RBFOX3: variants seen among roughly 807,000 people sequenced by gnomAD.
The protein encoded by RBFOX3 is RNA binding fox-1 homolog 3, also known as RNA binding protein fox-1 homolog 3.
In RBFOX3, 17 loss-of-function variants were observed where a neutral mutation model predicts 48.7. The observed-to-expected ratio is 0.35, with a 90% CI of 0.24 to 0.52. RBFOX3 has a LOEUF of 0.52. RBFOX3 is among the 20% of genes least tolerant of loss of function. The pLI, the probability that RBFOX3 is intolerant of heterozygous loss-of-function variation, is 0.94. For missense variants in RBFOX3, 382 were observed against 497.5 expected (o/e 0.77, Z 2.21); for synonymous variants, 212 against 209.5 (o/e 1.01, Z -0.10).
rs147182892 is a variant in RBFOX3 at position 79,149,558 on chromosome 17, G to T, written c.-33-33810C>A. 2.6e-3 allele frequency among the ~76,000 whole-genome samples: 395 copies of T among 152,152 alleles called. 4 individuals carry two copies. The highest frequency in any genetic ancestry group is 9.1e-3 in the African/African-American group (377 of 41,480). On this transcript the variant is annotated intron_variant, in intron 4 of 14. Transcript: ENST00000693108. ...TGTGAAGTGGGTGGGGCAGTGGGAAGTGTGCCTGGGGGGGTCCGTGGACGA... is the reference window on the plus strand; with the variant it reads ...TGTGAAGTGGGTGGGGCAGTGGGAATTGTGCCTGGGGGGGTCCGTGGACGA...
At chr17:79,474,465 C>A (rs1475977008) in intron 2 of RBFOX3, among the ~76,000 whole-genome samples, 1 of 152,184 alleles carries the variant, frequency 6.6e-6, no homozygotes, top group Non-Finnish European at 1.5e-5. Context: ...TGGTGACAAT[C>A]ATTTATTGGC....
intron 4 of RBFOX3, among the ~76,000 whole-genome samples, chr17:79,124,821 G>A (rs1032952977): frequency 1.3e-5 from 2 of 152,202 alleles, no homozygotes; most frequent in Non-Finnish European, 2.9e-5. Flanking sequence ...TGGGGGGTGG[G>A]AGAGGAGTGT....
At chr17:79,209,674 G>A (rs1229122218) in intron 4 of RBFOX3, among the ~76,000 whole-genome samples, 2 of 152,170 alleles carry the variant, frequency 1.3e-5, no homozygotes, top group African/African-American at 4.8e-5. Flanking sequence ...GCAAGAGGTG[G>A]GGTGCATGGC....
chr17:79,475,007 G>A (rs573657037), intron 2 of RBFOX3, among the ~76,000 whole-genome samples: 47 of 152,272 alleles, frequency 3.1e-4, no homozygotes, highest in African/African-American at 1.0e-3. Flanking sequence ...CCCACAGGCA[G>A]AGCAAGACTC....
At chr17:79,261,304 T>C (rs2065732009) in intron 3 of RBFOX3, among the ~76,000 whole-genome samples, 1 of 152,212 alleles carries the variant, frequency 6.6e-6, no homozygotes, top group African/African-American at 2.4e-5. Flanking sequence ...AAACAATAAA[T>C]ATGTGTGAGT....
intron 2 of RBFOX3, among the ~76,000 whole-genome samples, chr17:79,345,998 G>T (rs1291612020): frequency 6.6e-6 from 1 of 152,062 alleles, no homozygotes; most frequent in Non-Finnish European, 1.5e-5. Flanking sequence ...TTGGCTCACT[G>T]CAATCTGCAC....
the RBFOX3 span, among the ~76,000 whole-genome samples, chr17:79,651,008 C>T: frequency 5.9e-5 from 9 of 152,230 alleles, no homozygotes; most frequent in Non-Finnish European, 4.4e-5. Flanking sequence ...ACCCCAGCTC[C>T]GCCAGCGCCA....
At chr17:79,463,478 ACTGCCATCGCCACTGCCACTG>A (rs2075795422) in intron 2 of RBFOX3, among the ~76,000 whole-genome samples, 1 of 75,948 alleles carries the variant, frequency 1.3e-5, no homozygotes, top group Non-Finnish European at 3.0e-5. Context: ...TGCCACCTCC[ACTGCCATCGCCACTGCCACTG>A]CCATCGCCAC....
intron 4 of RBFOX3, among the ~76,000 whole-genome samples, chr17:79,117,080 G>C (rs1021336267): frequency 4.7e-4 from 72 of 152,262 alleles, no homozygotes; most frequent in African/African-American, 1.7e-3. Flanking sequence ...AGGCGGCAGA[G>C]GGAAAGGGGC....
intron 3 of RBFOX3, among the ~76,000 whole-genome samples, chr17:79,276,096 T>C (rs1003667881): frequency 2.0e-5 from 3 of 151,898 alleles, no homozygotes; most frequent in African/African-American, 4.8e-5. Flanking sequence ...CTGAAGACGG[T>C]ACGCTCAGAG....
chr17:79,275,618 G>A (rs546520047), intron 3 of RBFOX3, among the ~76,000 whole-genome samples: 1 of 152,150 alleles, frequency 6.6e-6, no homozygotes, highest in African/African-American at 2.4e-5. Context: ...GTATCAGGCA[G>A]GGTTGCCAGC....
chr17:79,647,821 A>C, the RBFOX3 span, among the ~76,000 whole-genome samples: 2 of 151,694 alleles, frequency 1.3e-5, no homozygotes, highest in Non-Finnish European at 2.9e-5. Context: ...CCCACCCCCA[A>C]CTCACACCTG....
intron 4 of RBFOX3, among the ~76,000 whole-genome samples, chr17:79,145,133 A>G (rs1397580289): frequency 2.6e-5 from 4 of 152,136 alleles, no homozygotes; most frequent in East Asian, 3.9e-4. Flanking sequence ...ACTGCCCAGA[A>G]AAACAGCTCA....
At chr17:79,297,563 G>T (rs1183754083) in intron 3 of RBFOX3, among the ~76,000 whole-genome samples, 1 of 152,270 alleles carries the variant, frequency 6.6e-6, no homozygotes, top group Non-Finnish European at 1.5e-5. Flanking sequence ...CAAAGCTGAT[G>T]TAGGACAGAC....
chr17:79,492,458 C>T (rs1305098448), intron 1 of RBFOX3, among the ~76,000 whole-genome samples: 2 of 152,264 alleles, frequency 1.3e-5, no homozygotes, highest in Non-Finnish European at 2.9e-5. Context: ...TGAGGACACT[C>T]AGGCAGCCCT....
At chr17:79,393,699 T>C (rs948760662) in intron 2 of RBFOX3, among the ~76,000 whole-genome samples, 1 of 148,702 alleles carries the variant, frequency 6.7e-6, no homozygotes, top group Non-Finnish European at 1.5e-5. Context: ...GAGCCGGTCA[T>C]CACGCACATC....
chr17:79,175,286 A>G (rs2050287250), intron 4 of RBFOX3, among the ~76,000 whole-genome samples: 1 of 152,208 alleles, frequency 6.6e-6, no homozygotes, highest in Non-Finnish European at 1.5e-5. Context: ...TCACATAAGG[A>G]AACTGAGGCT....
At chr17:79,626,774 C>T in the RBFOX3 span, among the ~76,000 whole-genome samples, 1 of 152,202 alleles carries the variant, frequency 6.6e-6, no homozygotes, top group African/African-American at 2.4e-5. Context: ...GCATGTGGGC[C>T]GACACCCTTA....
intron 4 of RBFOX3, among the ~76,000 whole-genome samples, chr17:79,216,421 T>G (rs2059055771): frequency 6.9e-6 from 1 of 144,678 alleles, no homozygotes; most frequent in Non-Finnish European, 1.5e-5. Flanking sequence ...GGGCCTGGAG[T>G]GGAGATGGAC....
Sources: gnomAD v4.1 joint callset for allele counts (sites outside exome capture counted in the v4.1 genomes callset) on GRCh38, gnomAD v4.1.1 for gene constraint, MANE v1.5 for transcripts, NCBI Gene and HGNC (gene_info 2026-07-23, HGNC 2026-07-21) for gene names.